The following KIF21B variants were observed in gnomAD, a reference collection of about 807,000 sequenced individuals.
KIF21B encodes the protein kinesin-like protein KIF21B.
KIF21B carries 85 observed loss-of-function variants against 192.9 expected under a neutral mutation model. The observed-to-expected ratio is 0.44, with a 90% CI of 0.37 to 0.53. The LOEUF (loss-of-function observed/expected upper bound fraction) is 0.53. Among genes scored for constraint, KIF21B ranks in the 20% least tolerant of loss-of-function variants. The pLI, the probability that KIF21B is intolerant of heterozygous loss-of-function variation, is 0.00. For missense variants in KIF21B, 1,716 were observed against 2,194.8 expected, an observed-to-expected ratio of 0.78 and a Z score of 4.36; for synonymous variants, 832 against 884.6, an observed-to-expected ratio of 0.94 and a Z score of 1.05.
chr1:200,990,519 G>T lies in KIF21B; in HGVS notation c.2835+57C>A. On this transcript the variant is annotated intron_variant, in intron 19 of 34. Transcript: ENST00000461742. The surrounding 1 kb of genome is among the most constrained non-coding windows in gnomAD (Gnocchi z 5.4). ...GGTCTGAAGAGCCAGAGAAGTTGGA[G>T]GTGTCAGAGGACAGGCAGAGGGGTG... is the stretch of plus-strand genomic sequence containing the variant. 6.3e-7 allele frequency: 1 copy of T among 1,585,876 alleles called. No homozygotes were observed.
chr1:201,004,276 G>T, intron 7 of KIF21B, 64 bp downstream of exon 7: 1 of 1,327,058 alleles, frequency 7.5e-7, no homozygotes, highest in Non-Finnish European at 1.1e-6. Flanking sequence ...TACCCACACA[G>T]CACTATTTTC....
Position 201,023,112 on chromosome 1 carries a change from G to T in KIF21B, c.41+231C>A, listed in dbSNP as rs1234405755. On this transcript the variant is annotated intron_variant, in intron 1 of 34. Coordinates refer to ENST00000461742, the MANE Select transcript of KIF21B (RefSeq NM_001252102.2). This position sits in a 1 kb window ranked among gnomAD's most constrained non-coding sequence, Gnocchi z 5.9. ...TTCTGATCATTAAGGGCTCCCAAGA[G>T]GGGCCCAAAATTACCACCCAAACAA... Among the ~76,000 whole-genome samples the T allele has an allele frequency of 6.6e-6, 1 of 152,236 alleles. No homozygotes were observed. The highest frequency in any genetic ancestry group is 1.5e-5 in the Non-Finnish European group (1 of 68,044).
intron 34 of KIF21B, 107 bp from the exon 35 acceptor site, chr1:200,973,685 G>A: frequency 6.6e-7 from 1 of 1,506,060 alleles, no homozygotes; most frequent in Non-Finnish European, 8.8e-7. Flanking sequence ...CTCCCCAAAT[G>A]TGGTTGGGGC....
chr1:201,005,164 G>T (rs942905304), intron 5 of KIF21B, 144 bp downstream of exon 5: 3 of 1,245,038 alleles, frequency 2.4e-6, no homozygotes, highest in South Asian at 1.5e-5. Flanking sequence ...GGGCAACAAG[G>T]CTCAAGAAAA....
chr1:200,991,612 T>C (rs1229376332), intron 17 of KIF21B, 45 bp downstream of exon 17: 3 of 1,583,958 alleles, frequency 1.9e-6, no homozygotes, highest in East Asian at 4.5e-5. Context: ...CACGCACACA[T>C]GTGCAGCAGG....
At chr1:200,979,083 T>C (rs1462406675) in intron 30 of KIF21B, among the ~76,000 whole-genome samples, 1 of 152,230 alleles carries the variant, frequency 6.6e-6, no homozygotes, top group Non-Finnish European at 1.5e-5. Flanking sequence ...CCACTTTATT[T>C]TGCAAGGCTC....
chr1:201,021,937 T>G (rs1658853782), intron 1 of KIF21B, among the ~76,000 whole-genome samples: 1 of 152,208 alleles, frequency 6.6e-6, no homozygotes, highest in South Asian at 2.1e-4. Context: ...TGCTGCAATG[T>G]CAGCCCCAGC....
At position 200,974,863 on chromosome 1, in the gene KIF21B, C is replaced by T. The variant is rs144100200; in HGVS notation, c.4665G>A (p.Pro1555=). The change falls in exon 34 of 35, where the codon CCG becomes CCA. Residue 1555 remains proline (P), a synonymous_variant. Transcript: ENST00000461742. ...KDWVCALAFI[P]GRPMLLSACR... is the part of the protein sequence containing the mutation. ...AGGCGCTGAGCAGCATGGGGCGGCC[C>T]GGGATGAAGGCCAGGGCGCACACCC... 1.3e-5 allele frequency: 21 copies of T among 1,614,142 alleles called. No individual in the cohort carries two copies. The East Asian group carries it at 1.3e-4, about 10-fold the overall frequency.
intron 34 of KIF21B, chr1:200,974,324 G>A: frequency 8.9e-7 from 1 of 1,123,326 alleles, no homozygotes; most frequent in Non-Finnish European, 1.2e-6. Context: ...AGAGGGCCTG[G>A]CTGCTCCCCA....
intron 1 of KIF21B, among the ~76,000 whole-genome samples, chr1:201,021,973 C>T (rs1658858039): frequency 6.6e-6 from 1 of 152,238 alleles, no homozygotes; most frequent in Admixed American, 6.5e-5. Context: ...CCCCAGTCAG[C>T]CCACCAGGCA....
rs1656355217 is a variant in KIF21B, at chr1:200,987,088, G to A, written c.3522C>T (p.Ile1174=). 11 of 1,613,908 alleles carry A rather than the reference G, an allele frequency of 6.8e-6. No homozygotes were observed. The highest frequency in any genetic ancestry group is 1.3e-5 in the African/African-American group (1 of 74,854). ...CAGAGAAGCCCACTCCGTCCTCTTTGATCTCAACGAGGGAGGCCAGGGACT... is the reference window on the plus strand; with the variant it reads ...CAGAGAAGCCCACTCCGTCCTCTTTAATCTCAACGAGGGAGGCCAGGGACT... ...ITKSLASLVE[I]KEDGVGFSVR... The change falls in exon 25 of 35, where the codon ATC becomes ATT. Residue 1174 remains isoleucine (I), a synonymous_variant. Coordinates refer to ENST00000461742, the MANE Select transcript of KIF21B (RefSeq NM_001252102.2).
At chr1:200,976,236 G>A (rs1330569773) in intron 32 of KIF21B, among the ~76,000 whole-genome samples, 1 of 152,104 alleles carries the variant, frequency 6.6e-6, no homozygotes, top group East Asian at 1.9e-4. Context: ...GACTACAGGC[G>A]CCCGACACCA....
intron 17 of KIF21B, 127 bp downstream of exon 17, chr1:200,991,530 T>C: frequency 1.0e-6 from 1 of 963,942 alleles, no homozygotes; most frequent in Non-Finnish European, 1.6e-6. Context: ...CTGGCAGAAC[T>C]GGGAAATACC....
chr1:200,976,940 C>A (rs1276541031), intron 31 of KIF21B, 47 bp from the exon 32 acceptor site: 4 of 1,453,384 alleles, frequency 2.8e-6, no homozygotes, highest in Middle Eastern at 2.3e-4. Context: ...TTAGAGGGGA[C>A]CCTGGGTTGG....
chr1:201,003,857 CCTG>C lies in KIF21B; in HGVS notation c.1017-79_1017-77del, dbSNP rs1054422398. The C allele has an allele frequency of 6.9e-5, 100 of 1,457,694 alleles. 1 individual carries two copies. The African/African-American group carries it at 1.2e-3, about 18-fold the overall frequency. The allele number at this position is 1,457,694 out of a possible 1,614,324, so 90.3% of individuals were successfully genotyped here. On this transcript the variant is annotated intron_variant, in intron 7 of 34. Transcript: ENST00000461742. ...AGAAGCATTGCCTCAGGGTAGAGGTCCTGCTCCCATCCCATTCCCCCACTACCT... is the reference window on the plus strand; with the variant it reads ...AGAAGCATTGCCTCAGGGTAGAGGTCCTCCCATCCCATTCCCCCACTACCT...
chr1:201,000,443 G>C lies in KIF21B; in HGVS notation c.1632C>G (p.Ala544=). ...TCTTTAGCCGCTCCAGGTCCTGCTT[G>C]GCCCTGCGGATCACCTCCGAGGCAT... ...MEDASEVIRR[A]KQDLERLKKK... Residue 544 remains alanine, a synonymous_variant, in exon 11 of 35, where the codon GCC becomes GCG. Coordinates refer to ENST00000461742, the MANE Select transcript of KIF21B (RefSeq NM_001252102.2). The surrounding 1 kb of genome is among the most constrained non-coding windows in gnomAD (Gnocchi z 6.0). 1 of 1,576,236 alleles carries C rather than the reference G, an allele frequency of 6.3e-7. No homozygotes were observed. The highest frequency in any genetic ancestry group is 8.6e-7 in the Non-Finnish European group (1 of 1,164,154).
rs1172107154 is a variant in KIF21B, at chr1:201,008,852, C to G, written c.364G>C (p.Gly122Arg). ...IIPRAIAHLF[G>R]GIAERKRRAQ... Reference sequence around the variant, plus strand: ...CGGCGCTTGCGCTCGGCAATGCCCCCAAAGAGGTGTGCGATGGCCCTCGGG... The same window carrying G: ...CGGCGCTTGCGCTCGGCAATGCCCCGAAAGAGGTGTGCGATGGCCCTCGGG... The change falls in exon 3 of 35, where the codon GGG becomes CGG. Residue 122 changes from glycine (G) to arginine (R), a missense_variant. Transcript: ENST00000461742. The G allele has an allele frequency of 2.2e-5, 35 of 1,610,434 alleles. No homozygotes were observed. Among genetic ancestry groups the G allele is most frequent in the Non-Finnish European group, 2.9e-5 (34 of 1,180,008 alleles).
chr1:200,999,369 T>G lies in KIF21B; in HGVS notation c.1865A>C (p.Asp622Ala). 4 of 1,614,044 alleles carry G rather than the reference T, an allele frequency of 2.5e-6. No individual in the cohort carries two copies. In the South Asian group the frequency reaches 4.4e-5, roughly 18 times the overall value. The change falls in exon 13 of 35, where the codon GAC becomes GCC. Residue 622 changes from aspartate to alanine, a missense_variant. Asp to Ala is a moderately radical substitution (Grantham distance 126). Around this residue, in one of 3 missense-constraint regions of KIF21B, gnomAD observed 1,087 missense variants for 1,316.6 expected, o/e 0.83. Transcript: ENST00000461742. The surrounding 1 kb of genome is among the most constrained non-coding windows in gnomAD (Gnocchi z 4.7). ...CGCACCCTTCTCCTCGGGGTCTGAGTCTGAGTCCACCAGGCTCTCTTCACT... is the reference window on the plus strand; with the variant it reads ...CGCACCCTTCTCCTCGGGGTCTGAGGCTGAGTCCACCAGGCTCTCTTCACT... ...SGSEESLVDS[D>A]SDPEEKEVNF...
chr1:200,983,020 G>C, intron 28 of KIF21B, 36 bp downstream of exon 28: 1 of 1,529,800 alleles, frequency 6.5e-7, no homozygotes, highest in African/African-American at 1.4e-5. Context: ...GAGAGTGAGA[G>C]TGGGGAACCA....
Sources: allele counts gnomAD v4.1 joint callset (sites outside exome capture counted in the v4.1 genomes callset), GRCh38; gene constraint gnomAD v4.1.1; regional missense constraint gnomAD v4.1.1; non-coding constraint Gnocchi (gnomAD v3.1); transcripts MANE v1.5; gene names NCBI Gene and HGNC (gene_info 2026-07-23, HGNC 2026-07-21).